The following TM2D1 variants were observed in gnomAD, a reference collection of about 807,000 sequenced individuals.
TM2D1 encodes the protein TM2 domain-containing protein 1.
A neutral mutation model predicts 28.4 loss-of-function variants in TM2D1; 15 were observed. The ratio of observed to expected loss-of-function variants is 0.53; its 90% CI spans 0.35 to 0.81. The LOEUF is 0.81. Ranked by LOEUF, TM2D1 falls within the 40% of genes least tolerant of loss-of-function variation. The pLI, the probability that TM2D1 is intolerant of heterozygous loss-of-function variation, is 0.01. For missense variants in TM2D1, 236 were observed against 254.9 expected (o/e 0.93, Z 0.50); for synonymous variants, 93 against 96.2 (o/e 0.97, Z 0.20).
intron 3 of TM2D1, among the ~76,000 whole-genome samples, chr1:61,706,834 AAAAG>A (rs71050144): frequency 0.31 from 45,019 of 146,294 alleles, 7,502 homozygotes; most frequent in African/African-American, 0.45. Context: ...TGTCTTAAAA[AAAAG>A]AAAGAAAGAA....
chr1:61,703,585 G>A lies in TM2D1; in HGVS notation c.348-2560C>T, dbSNP rs1372356675. Among the ~76,000 whole-genome samples, 5 of 147,260 alleles carry A rather than the reference G, an allele frequency of 3.4e-5. No homozygotes were observed. The East Asian group carries it at 7.9e-4, about 23-fold the overall frequency. On this transcript the variant is annotated intron_variant, in intron 3 of 6. Coordinates refer to ENST00000606498, the MANE Select transcript of TM2D1 (RefSeq NM_032027.3). ...GTGCCACCACACCCAGCTAATTTTT[G>A]TATTTTTAGTAGAGACAAAATTTCA...
chr1:61,708,352 A>T (rs1644454954), intron 3 of TM2D1, among the ~76,000 whole-genome samples: 1 of 152,182 alleles, frequency 6.6e-6, no homozygotes, highest in African/African-American at 2.4e-5. Flanking sequence ...TCTAGGCCTA[A>T]AAGTCCTTTA....
At chr1:61,715,886 C>G (rs1215106609) in intron 2 of TM2D1, among the ~76,000 whole-genome samples, 5 of 150,646 alleles carry the variant, frequency 3.3e-5, no homozygotes, top group African/African-American at 1.2e-4. Context: ...ACTGCAAGCT[C>G]CACCTCCCAG....
chr1:61,720,623 T>C (rs1480334862), intron 2 of TM2D1, among the ~76,000 whole-genome samples: 3 of 152,144 alleles, frequency 2.0e-5, no homozygotes, highest in Non-Finnish European at 2.9e-5. Flanking sequence ...TGCCACGTAA[T>C]AATTTCTTAA....
At chr1:61,715,854 T>TAC (rs939404113) in intron 2 of TM2D1, among the ~76,000 whole-genome samples, 4 of 150,212 alleles carry the variant, frequency 2.7e-5, no homozygotes, top group African/African-American at 9.8e-5. Context: ...CAGGCTGGAG[T>TAC]ACAGTGGCGC....
At chr1:61,685,155 G>A (rs1284212649) in intron 5 of TM2D1, among the ~76,000 whole-genome samples, 1 of 152,078 alleles carries the variant, frequency 6.6e-6, no homozygotes, top group Non-Finnish European at 1.5e-5. Context: ...ATAAAATTCT[G>A]TAGAAGAGGA....
At chr1:61,694,599 C>A in intron 5 of TM2D1, 98 bp downstream of exon 5, 1 of 741,366 alleles carries the variant, frequency 1.3e-6, no homozygotes, top group East Asian at 3.0e-5. Context: ...CCATTCTTCT[C>A]TGCTTCCTCG....
intron 3 of TM2D1, among the ~76,000 whole-genome samples, chr1:61,705,729 T>C (rs1644435987): frequency 6.6e-6 from 1 of 152,088 alleles, no homozygotes; most frequent in Admixed American, 6.6e-5. Flanking sequence ...GCAAGGCCCA[T>C]TCATGACTAC....
At chr1:61,719,352 G>C (rs1644544000) in intron 2 of TM2D1, among the ~76,000 whole-genome samples, 1 of 151,738 alleles carries the variant, frequency 6.6e-6, no homozygotes, top group Non-Finnish European at 1.5e-5. Flanking sequence ...ATCTGACCTG[G>C]AACATCTCTA....
chr1:61,713,354 T>A (rs182112692), intron 2 of TM2D1, among the ~76,000 whole-genome samples: 1 of 152,030 alleles, frequency 6.6e-6, no homozygotes. Context: ...GACATGTGCC[T>A]GTGGTCCCAG....
intron 5 of TM2D1, among the ~76,000 whole-genome samples, chr1:61,685,611 TA>T (rs537818184): frequency 6.6e-6 from 1 of 152,230 alleles, no homozygotes; most frequent in Non-Finnish European, 1.5e-5. Context: ...CTACACATGT[TA>T]ATATTCAAGT....
intron 2 of TM2D1, among the ~76,000 whole-genome samples, chr1:61,717,525 A>G (rs1263109554): frequency 6.6e-6 from 1 of 152,196 alleles, no homozygotes. Context: ...ATTCCAGCCA[A>G]TAACTACACA....
At chr1:61,690,406 G>A (rs1202391124) in intron 5 of TM2D1, among the ~76,000 whole-genome samples, 4 of 137,226 alleles carry the variant, frequency 2.9e-5, no homozygotes, top group South Asian at 2.3e-4. Context: ...ACAGTGAGCC[G>A]AGATTGCGCC....
At chr1:61,721,266 G>A (rs960024735) in intron 2 of TM2D1, among the ~76,000 whole-genome samples, 6 of 151,762 alleles carry the variant, frequency 4.0e-5, no homozygotes, top group Non-Finnish European at 5.9e-5. Context: ...ATTAGGCTGG[G>A]CTCAGTGGCT....
intron 6 of TM2D1, 29 bp downstream of exon 6, chr1:61,683,383 TATAAG>T (rs1287538865): frequency 4.2e-6 from 3 of 706,322 alleles, no homozygotes; most frequent in Admixed American, 4.1e-5. Context: ...AATATACCAC[TATAAG>T]ATATTACATA....
rs1354135908 is a variant in TM2D1, at chr1:61,684,675, AT to A, written c.514-1130del. Among the ~76,000 whole-genome samples the A allele has an allele frequency of 1.9e-3, 34 of 18,356 alleles. No individual in the cohort carries two copies. The South Asian group carries it at 0.069, about 37-fold the overall frequency. 12.0% of individuals were successfully genotyped at this position (18,356 alleles called of 152,430 possible). A position where few individuals can be genotyped will look rare whatever the true frequency, so the allele number is the denominator to read the frequency against. ...ATGCTGTTTTGATCAACTGTGTATC[AT>A]TATTATAACAAGTTGATCCAAACAA... is the stretch of plus-strand genomic sequence containing the variant. On this transcript the variant is annotated intron_variant, in intron 5 of 6. Coordinates refer to ENST00000606498, the MANE Select transcript of TM2D1 (RefSeq NM_032027.3).
chr1:61,724,580 G>C (rs549423906), intron 1 of TM2D1, among the ~76,000 whole-genome samples: 26 of 152,250 alleles, frequency 1.7e-4, no homozygotes, highest in Admixed American at 4.6e-4. Flanking sequence ...CTTCCCCCTA[G>C]GAAGAGTTGG....
At chr1:61,694,847 C>A (rs958264779) in intron 4 of TM2D1, 77 bp from the exon 5 acceptor site, 3 of 800,582 alleles carry the variant, frequency 3.7e-6, no homozygotes, top group African/African-American at 3.5e-5. Context: ...TTCCAATAAA[C>A]CATTATTATA....
chr1:61,686,761 T>G, intron 5 of TM2D1: 1 of 943,146 alleles, frequency 1.1e-6, no homozygotes, highest in Non-Finnish European at 1.3e-6. Flanking sequence ...TATGAGTATA[T>G]GATTGTATTA....
Sources: gnomAD v4.1 joint callset for allele counts (sites outside exome capture counted in the v4.1 genomes callset) on GRCh38, gnomAD v4.1.1 for gene constraint, MANE v1.5 for transcripts, NCBI Gene and HGNC (gene_info 2026-07-23, HGNC 2026-07-21) for gene names.